The following AKAP12 variants were observed in gnomAD, a reference collection of about 807,000 sequenced individuals.
AKAP12 encodes A-kinase anchor protein 12.
A neutral mutation model predicts 79.9 loss-of-function variants in AKAP12; 32 were observed. The ratio of observed to expected loss-of-function variants is 0.40; its 90% CI spans 0.30 to 0.54. The LOEUF is 0.54. Among genes scored for constraint, AKAP12 ranks in the 20% least tolerant of loss-of-function variants. The pLI, the probability that AKAP12 is intolerant of heterozygous loss-of-function variation, is 0.48. For synonymous variants in AKAP12, 808 were observed against 857.0 expected (o/e 0.94, Z 1.00); for missense variants, 2,074 against 2,177.0 (o/e 0.95, Z 0.94).
intron 2 of AKAP12, among the ~76,000 whole-genome samples, chr6:151,293,398 G>T (rs562345829): frequency 8.5e-5 from 13 of 152,310 alleles, no homozygotes; most frequent in Admixed American, 2.6e-4. Flanking sequence ...GTTTTGAGAT[G>T]ATTTATATTC....
intron 3 of AKAP12, among the ~76,000 whole-genome samples, chr6:151,307,550 T>A (rs1010766532): frequency 6.6e-6 from 1 of 152,166 alleles, no homozygotes; most frequent in Admixed American, 6.5e-5. Context: ...ACTTAGGTGA[T>A]CTGTAGGATG....
chr6:151,322,650 A>G (rs927015675), intron 3 of AKAP12, among the ~76,000 whole-genome samples: 4 of 148,746 alleles, frequency 2.7e-5, no homozygotes, highest in African/African-American at 7.8e-5. Flanking sequence ...GACCAGCTCC[A>G]AGGCTACCTC....
At chr6:151,354,827 C>T (rs1191833633) in intron 4 of AKAP12, among the ~76,000 whole-genome samples, 1 of 152,052 alleles carries the variant, frequency 6.6e-6, no homozygotes, top group Non-Finnish European at 1.5e-5. Flanking sequence ...ACCACAGGCA[C>T]ATGTCATTAC....
intron 3 of AKAP12, among the ~76,000 whole-genome samples, chr6:151,329,934 C>G (rs1777625154): frequency 6.6e-6 from 1 of 152,222 alleles, no homozygotes; most frequent in Non-Finnish European, 1.5e-5. Context: ...CAAAAGACCT[C>G]TTTCTCGTTG....
At chr6:151,305,006 G>C (rs900350640) in intron 2 of AKAP12, among the ~76,000 whole-genome samples, 3 of 152,208 alleles carry the variant, frequency 2.0e-5, no homozygotes, top group African/African-American at 7.2e-5. Flanking sequence ...TGTCTTGTTT[G>C]CTTGCTGGGC....
At chr6:151,295,547 G>A (rs1294978053) in intron 2 of AKAP12, among the ~76,000 whole-genome samples, 1 of 152,074 alleles carries the variant, frequency 6.6e-6, no homozygotes, top group Non-Finnish European at 1.5e-5. Flanking sequence ...CGTTCCAGCC[G>A]CCTTCCTTAA....
chr6:151,274,638 A>T (rs1341728543), intron 2 of AKAP12, among the ~76,000 whole-genome samples: 2 of 152,158 alleles, frequency 1.3e-5, no homozygotes, highest in African/African-American at 2.4e-5. Context: ...TATAACAAAA[A>T]ATAGAAGTTC....
At chr6:151,354,558 A>G (rs1344889176) in intron 4 of AKAP12, among the ~76,000 whole-genome samples, 1 of 151,340 alleles carries the variant, frequency 6.6e-6, no homozygotes, top group African/African-American at 2.4e-5. Flanking sequence ...TATTTTTAGT[A>G]GAGATGGGTT....
intron 3 of AKAP12, chr6:151,324,456 C>T (rs112575836): frequency 8.1e-6 from 8 of 985,338 alleles, no homozygotes; most frequent in African/African-American, 7.0e-5. Context: ...CCATGCCAGC[C>T]AGCTCTCCTG....
intron 2 of AKAP12, among the ~76,000 whole-genome samples, chr6:151,256,028 A>G (rs1797289517): frequency 6.6e-6 from 1 of 152,122 alleles, no homozygotes; most frequent in South Asian, 2.1e-4. Context: ...GTGCTGGACA[A>G]GAGGCACCAA....
intron 2 of AKAP12, among the ~76,000 whole-genome samples, chr6:151,287,385 T>C (rs1410379285): frequency 1.3e-5 from 2 of 152,084 alleles, no homozygotes; most frequent in Non-Finnish European, 2.9e-5. Flanking sequence ...CTTAGCCTCC[T>C]GAGTAGCTGG....
intron 3 of AKAP12, among the ~76,000 whole-genome samples, chr6:151,338,702 T>C (rs222576): frequency 0.52 from 78,411 of 152,070 alleles, 23,980 homozygotes; most frequent in African/African-American, 0.85. Context: ...CCGTCTACCT[T>C]GCACTCCCAA....
intron 2 of AKAP12, among the ~76,000 whole-genome samples, chr6:151,250,318 T>C (rs1797149321): frequency 6.7e-6 from 1 of 149,144 alleles, no homozygotes; most frequent in African/African-American, 2.5e-5. Flanking sequence ...ACCAACATGG[T>C]GAAACTCCGC....
intron 3 of AKAP12, among the ~76,000 whole-genome samples, chr6:151,328,957 A>G (rs1305196871): frequency 6.6e-6 from 1 of 152,162 alleles, no homozygotes; most frequent in Non-Finnish European, 1.5e-5. Flanking sequence ...AAATTGAATT[A>G]TGAAATGATT....
chr6:151,241,447 C>T (rs1435655839), intron 2 of AKAP12, among the ~76,000 whole-genome samples: 1 of 152,220 alleles, frequency 6.6e-6, no homozygotes, highest in Non-Finnish European at 1.5e-5. Flanking sequence ...GCCAAACACA[C>T]GCTAGAGTGG....
intron 3 of AKAP12, among the ~76,000 whole-genome samples, chr6:151,332,031 C>CTGTTTT (rs1777686071): frequency 1.4e-5 from 1 of 72,792 alleles, no homozygotes; most frequent in African/African-American, 5.6e-5. Flanking sequence ...AGTTCTGGGT[C>CTGTTTT]TGTTTTTTTT....
At position 151,348,914 on chromosome 6, in the gene AKAP12, G is replaced by C; in HGVS notation, c.523G>C (p.Val175Leu). ...GGCTAATGATATTGGATTTAAGAAG[G>C]TGTTTAAGTTTGTTGGCTTTAAATT... ...SQANDIGFKKVFKFVGFKFTV... is the reference protein window; with the variant it reads ...SQANDIGFKKLFKFVGFKFTV... The change falls in exon 4 of 5, where the codon GTG (valine) becomes CTG (leucine). Residue 175 changes from valine (V) to leucine (L), a missense_variant. Val to Leu is a conservative substitution (Grantham distance 32). This residue lies in a region of AKAP12 where 1,428 missense variants were observed against 1,451.0 expected (regional missense o/e 0.98). Transcript: ENST00000402676. 2 of 1,614,048 alleles carry C rather than the reference G, an allele frequency of 1.2e-6. No homozygotes were observed. The highest frequency in any genetic ancestry group is 2.2e-5 in the South Asian group (2 of 91,074).
intron 3 of AKAP12, among the ~76,000 whole-genome samples, chr6:151,320,624 G>A (rs546641937): frequency 5.9e-5 from 9 of 152,082 alleles, no homozygotes; most frequent in East Asian, 1.9e-4. Context: ...CCACAGATTC[G>A]CACTGCATCT....
chr6:151,305,843 G>T lies in AKAP12; in HGVS notation c.259G>T (p.Ala87Ser), dbSNP rs967409673. The change falls in exon 3 of 5, where the codon GCC becomes TCC. Residue 87 changes from alanine to serine, a missense_variant. Physicochemically the swap from Ala to Ser is moderately conservative, Grantham distance 99. Around this residue, in one of 3 missense-constraint regions of AKAP12, gnomAD observed 1,428 missense variants for 1,451.0 expected, o/e 0.98. Coordinates refer to ENST00000402676, the MANE Select transcript of AKAP12 (RefSeq NM_005100.4). ...GGGTGACCTAAATGGCCAGAAAGGA[G>T]CCCTGAACGGTCAAGGAGCCCTAAA... ...QEGDLNGQKG[A>S]LNGQGALNSQ... 2 of 1,613,964 alleles carry T rather than the reference G, an allele frequency of 1.2e-6. No homozygotes were observed. Among genetic ancestry groups the T allele is most frequent in the South Asian group, 1.1e-5 (1 of 91,032 alleles).
Sources: allele counts gnomAD v4.1 joint callset (sites outside exome capture counted in the v4.1 genomes callset), GRCh38; gene constraint gnomAD v4.1.1; regional missense constraint gnomAD v4.1.1; transcripts MANE v1.5; gene names NCBI Gene and HGNC (gene_info 2026-07-23, HGNC 2026-07-21).